The following DCP2 variants were observed in gnomAD, a reference collection of about 807,000 sequenced individuals.
DCP2 encodes the protein m7GpppN-mRNA hydrolase.
A neutral mutation model predicts 56.1 loss-of-function variants in DCP2; 30 were observed. The observed-to-expected ratio is 0.53, with a 90% CI of 0.40 to 0.73. The LOEUF (loss-of-function observed/expected upper bound fraction) is 0.73, where lower values mean the gene tolerates loss of function less well. Among genes scored for constraint, DCP2 ranks in the 30% least tolerant of loss-of-function variants. The pLI, the probability that DCP2 is intolerant of heterozygous loss-of-function variation, is 0.00. For missense variants in DCP2, 533 were observed against 502.7 expected (o/e 1.06, Z -0.58); for synonymous variants, 197 against 163.3 (o/e 1.21, Z -1.57).
At chr5:112,988,808 A>G (rs1748433140) in intron 2 of DCP2, among the ~76,000 whole-genome samples, 2 of 152,244 alleles carry the variant, frequency 1.3e-5, no homozygotes, top group South Asian at 2.1e-4. Flanking sequence ...CGTAACTAAG[A>G]TAACCAAGTC....
At chr5:113,000,188 G>A (rs534397618) in intron 4 of DCP2, among the ~76,000 whole-genome samples, 1 of 152,038 alleles carries the variant, frequency 6.6e-6, no homozygotes, top group Non-Finnish European at 1.5e-5. Flanking sequence ...GAACACCTGG[G>A]CTCAAGTGAT....
At chr5:112,999,367 G>A (rs1403814439) in intron 4 of DCP2, among the ~76,000 whole-genome samples, 2 of 150,774 alleles carry the variant, frequency 1.3e-5, no homozygotes, top group Non-Finnish European at 3.0e-5. Flanking sequence ...CGCTCTTGTT[G>A]CCCAGGCTGG....
In DCP2 at chr5:113,016,350, AAT is replaced by A. The variant is rs1749885370; in HGVS notation, c.*2867_*2868del. 2 of 152,574 alleles carry A rather than the reference AAT, an allele frequency of 1.3e-5. No homozygotes were observed. Among genetic ancestry groups the A allele is most frequent in the Non-Finnish European group, 2.9e-5 (2 of 68,020 alleles). 9.5% of individuals were successfully genotyped at this position (152,574 alleles called of 1,614,324 possible). A position where few individuals can be genotyped will look rare whatever the true frequency, so the allele number is the denominator to read the frequency against. On this transcript the variant is annotated 3_prime_UTR_variant, in exon 11 of 11. Coordinates refer to ENST00000389063, the MANE Select transcript of DCP2 (RefSeq NM_152624.6). Reference sequence around the variant, plus strand: ...TGAAATTTGATTAAAGATGTTGGAAAATGAAGTTGGATTTTTGTATTCATGTA... The same window carrying A: ...TGAAATTTGATTAAAGATGTTGGAAAGAAGTTGGATTTTTGTATTCATGTA...
chr5:113,001,364 A>C lies in DCP2; in HGVS notation c.593A>C (p.Glu198Ala). The C allele has an allele frequency of 6.2e-7, 1 of 1,611,216 alleles. No homozygotes were observed. The highest frequency in any genetic ancestry group is 8.5e-7 in the Non-Finnish European group (1 of 1,179,202). Reference sequence around the variant, plus strand: ...TTTTCTTCTGTGTTTCAGAACATTGAGTGGTTCTCTATTGAGAAATTGCCT... The same window carrying C: ...TTTTCTTCTGTGTTTCAGAACATTGCGTGGTTCTCTATTGAGAAATTGCCT... ...PKTRREIRNI[E>A]WFSIEKLPCH... Residue 198 changes from glutamate to alanine, a missense_variant, in exon 6 of 11, where the codon GAG becomes GCG. Transcript: ENST00000389063.
chr5:112,987,195 A>T (rs1331182944), intron 2 of DCP2, among the ~76,000 whole-genome samples: 5 of 152,208 alleles, frequency 3.3e-5, no homozygotes, highest in Non-Finnish European at 5.9e-5. Flanking sequence ...AGAATTTGGA[A>T]AAAAAAGTGG....
At chr5:112,980,392 G>A (rs535422278) in intron 1 of DCP2, among the ~76,000 whole-genome samples, 2 of 152,308 alleles carry the variant, frequency 1.3e-5, no homozygotes, top group Admixed American at 1.3e-4. Flanking sequence ...TCAGCTAGCC[G>A]TGTTAGTGTT....
rs1749831017 is a variant in DCP2 at position 113,015,094 on chromosome 5, A to G, written c.*1610A>G. 1 of 152,638 alleles carries G rather than the reference A, an allele frequency of 6.6e-6. No individual in the cohort carries two copies. The highest frequency in any genetic ancestry group is 2.1e-4 in the South Asian group (1 of 4,834). The allele number at this position is 152,638 out of a possible 1,614,324, so 9.5% of individuals were successfully genotyped here. A position where few individuals can be genotyped will look rare whatever the true frequency, so the allele number is the denominator to read the frequency against. On this transcript the variant is annotated 3_prime_UTR_variant, in exon 11 of 11. Coordinates refer to ENST00000389063, the MANE Select transcript of DCP2 (RefSeq NM_152624.6). ...GATATTCAGAATCCTGCATCTTTTA[A>G]TGTGACAAATTTTTGAATCCTGTGA...
At chr5:113,004,129 G>C in intron 8 of DCP2, 52 bp downstream of exon 8, 2 of 1,584,052 alleles carry the variant, frequency 1.3e-6, no homozygotes. Flanking sequence ...ATTTGGCTTT[G>C]AAATTTTTCT....
chr5:113,020,694 CT>C lies in DCP2; in HGVS notation c.*7212del. ...TTTAAATGTTTGCAGGATTACTGTACTTCCAAAGACCCACTAGAATGTCAGC... is the reference window on the plus strand; with the variant it reads ...TTTAAATGTTTGCAGGATTACTGTACTCCAAAGACCCACTAGAATGTCAGC... On this transcript the variant is annotated 3_prime_UTR_variant, in exon 11 of 11. Coordinates refer to ENST00000389063, the MANE Select transcript of DCP2 (RefSeq NM_152624.6). The C allele has an allele frequency of 6.6e-6, 1 of 152,286 alleles. No homozygotes were observed. The highest frequency in any genetic ancestry group is 1.9e-4 in the East Asian group (1 of 5,184). 9.4% of individuals were successfully genotyped at this position (152,286 alleles called of 1,614,324 possible). A position where few individuals can be genotyped will look rare whatever the true frequency, so the allele number is the denominator to read the frequency against.
intron 4 of DCP2, among the ~76,000 whole-genome samples, chr5:112,996,014 T>A (rs1019600625): frequency 6.6e-6 from 1 of 152,310 alleles, no homozygotes; most frequent in Non-Finnish European, 1.5e-5. Context: ...CCTGTCAGAT[T>A]AGGGCCCTGC....
chr5:113,001,437 T>C lies in DCP2; in HGVS notation c.666T>C (p.Pro222=). 5 of 1,614,000 alleles carry C rather than the reference T, an allele frequency of 3.1e-6. No individual in the cohort carries two copies. Among genetic ancestry groups the C allele is most frequent in the Non-Finnish European group, 3.4e-6 (4 of 1,179,964 alleles). The change falls in exon 6 of 11, where the codon CCT becomes CCC. Residue 222 remains proline (P), a synonymous_variant. Coordinates refer to ENST00000389063, the MANE Select transcript of DCP2 (RefSeq NM_152624.6). ...MTPKSKLGLA[P]NKFFMAIPFI... is the part of the protein sequence containing the mutation. ...CCAAATCCAAACTTGGTTTGGCACCTAACAAATTTTTTATGGCCATTCCCT... is the reference window on the plus strand; with the variant it reads ...CCAAATCCAAACTTGGTTTGGCACCCAACAAATTTTTTATGGCCATTCCCT...
intron 8 of DCP2, among the ~76,000 whole-genome samples, chr5:113,007,000 T>C (rs1430937277): frequency 1.3e-5 from 2 of 151,988 alleles, no homozygotes; most frequent in Admixed American, 6.6e-5. Context: ...TAGCCGGGCA[T>C]GGTGGCATAT....
At chr5:112,988,375 C>T (rs1400445891) in intron 2 of DCP2, among the ~76,000 whole-genome samples, 1 of 150,876 alleles carries the variant, frequency 6.6e-6, no homozygotes, top group Non-Finnish European at 1.5e-5. Context: ...GCTTGTAGTC[C>T]CAGCTACTCC....
chr5:113,009,140 C>T (rs940694842), intron 9 of DCP2, among the ~76,000 whole-genome samples: 25 of 152,246 alleles, frequency 1.6e-4, no homozygotes, highest in East Asian at 3.9e-4. Flanking sequence ...CCACCGCTCC[C>T]GGCCGACAGA....
Position 113,014,780 on chromosome 5 carries a change from T to C in DCP2, c.*1296T>C, listed in dbSNP as rs1427890366. ...TATATGTGTGTGTGTGTAACTATCA[T>C]GTGGGTTTTAAAAATCCTTTTTTAC... is the stretch of plus-strand genomic sequence containing the variant. On this transcript the variant is annotated 3_prime_UTR_variant, in exon 11 of 11. Transcript: ENST00000389063. 1.3e-5 allele frequency: 2 copies of C among 152,596 alleles called. No individual in the cohort carries two copies. The highest frequency in any genetic ancestry group is 2.9e-5 in the Non-Finnish European group (2 of 68,026). The allele number at this position is 152,596 out of a possible 1,614,324, so 9.5% of individuals were successfully genotyped here.
At chr5:112,984,864 C>T (rs894458172) in intron 1 of DCP2, among the ~76,000 whole-genome samples, 5 of 151,242 alleles carry the variant, frequency 3.3e-5, no homozygotes, top group Non-Finnish European at 7.4e-5. Context: ...GCCACCATAT[C>T]TGGCTAATTT....
At chr5:113,009,989 T>C (rs1462043430) in intron 9 of DCP2, among the ~76,000 whole-genome samples, 1 of 151,192 alleles carries the variant, frequency 6.6e-6, no homozygotes, top group Non-Finnish European at 1.5e-5. Context: ...CATTGTTTAC[T>C]GTAGCCTTGA....
intron 1 of DCP2, among the ~76,000 whole-genome samples, chr5:112,980,312 A>T (rs1291094856): frequency 1.3e-5 from 2 of 152,178 alleles, no homozygotes; most frequent in Non-Finnish European, 2.9e-5. Context: ...GAAGAAAGGT[A>T]TTTTCTGGCA....
rs528340920 is a variant in DCP2 at position 112,985,314 on chromosome 5, T to C, written c.54-521T>C. Among the ~76,000 whole-genome samples the C allele has an allele frequency of 5.9e-5, 9 of 152,276 alleles. No homozygotes were observed. In the South Asian group the frequency reaches 1.4e-3, roughly 25 times the overall value. ...CCCAATGTACATGGAAAAGACAATT[T>C]AGGGTTTTGAAAAGTGAGTGTATTT... On this transcript the variant is annotated intron_variant, in intron 1 of 10. Coordinates refer to ENST00000389063, the MANE Select transcript of DCP2 (RefSeq NM_152624.6).
Sources: gnomAD v4.1 joint callset for allele counts (sites outside exome capture counted in the v4.1 genomes callset) on GRCh38, gnomAD v4.1.1 for gene constraint, MANE v1.5 for transcripts, NCBI Gene and HGNC (gene_info 2026-07-23, HGNC 2026-07-21) for gene names.